RANBP2: variants seen among roughly 807,000 people sequenced by gnomAD.
The protein encoded by RANBP2 is RAN binding protein 2.
A neutral mutation model predicts 303.6 loss-of-function variants in RANBP2; 57 were observed. That is an observed-to-expected ratio of 0.19 (90% CI 0.15 to 0.23). RANBP2 has a LOEUF of 0.23. Ranked by LOEUF, RANBP2 falls within the 10% of genes least tolerant of loss-of-function variation. RANBP2 has a pLI of 1.00. For missense variants in RANBP2, 3,138 were observed against 3,780.8 expected (o/e 0.83, Z 4.46); for synonymous variants, 1,167 against 1,301.5 (o/e 0.90, Z 2.23).
chr2:109,614,507 G>A, the RANBP2 span: 1 of 1,255,598 alleles, frequency 8.0e-7, no homozygotes, highest in Admixed American at 4.3e-5. Flanking sequence ...GGCCGGCAGA[G>A]TGGGGCCCCG....
the RANBP2 span, among the ~76,000 whole-genome samples, chr2:109,249,467 C>CTCTCTCTT: frequency 4.0e-5 from 4 of 99,288 alleles, no homozygotes; most frequent in Non-Finnish European, 4.1e-5. Context: ...TTCTCTCTTT[C>CTCTCTCTT]TCTTTCTTTC....
At chr2:109,453,611 C>T in the RANBP2 span, among the ~76,000 whole-genome samples, 2,417 of 152,292 alleles carry the variant, frequency 0.016, 56 homozygotes, top group African/African-American at 0.054. Context: ...GTGCCCCAAT[C>T]CCTGACTCAT....
At chr2:108,786,665 G>T, downstream of RANBP2, 1 of 657,476 alleles carries the variant, frequency 1.5e-6, no homozygotes, top group South Asian at 1.8e-5. Flanking sequence ...CTGACAAGCC[G>T]GGCTGCAGTC....
the RANBP2 span, among the ~76,000 whole-genome samples, chr2:109,400,325 C>T: frequency 6.6e-6 from 1 of 152,002 alleles, no homozygotes; most frequent in African/African-American, 2.4e-5. Context: ...CACACATATA[C>T]CTGCACACCC....
the RANBP2 span, among the ~76,000 whole-genome samples, chr2:109,418,773 C>G: frequency 2.8e-4 from 43 of 152,202 alleles, no homozygotes; most frequent in Non-Finnish European, 5.6e-4. Context: ...TGCCTCTGAA[C>G]AGGAAGACAG....
the RANBP2 span, among the ~76,000 whole-genome samples, chr2:109,418,180 C>T: frequency 6.6e-6 from 1 of 152,078 alleles, no homozygotes; most frequent in Non-Finnish European, 1.5e-5. Flanking sequence ...TCTGCTGGGA[C>T]CCCTATTCTG....
the RANBP2 span, among the ~76,000 whole-genome samples, chr2:109,016,226 C>T: frequency 5.9e-5 from 9 of 151,952 alleles, no homozygotes; most frequent in South Asian, 4.1e-4. Context: ...GGACTACAGG[C>T]GCCGGCCACC....
the RANBP2 span, among the ~76,000 whole-genome samples, chr2:109,622,219 T>G: frequency 4.6e-5 from 7 of 152,198 alleles, no homozygotes; most frequent in Non-Finnish European, 1.0e-4. Flanking sequence ...CCCAAATAGC[T>G]GCTACTTGCC....
the RANBP2 span, among the ~76,000 whole-genome samples, chr2:108,915,106 G>A: frequency 2.9e-4 from 44 of 152,122 alleles, no homozygotes; most frequent in Middle Eastern, 3.2e-3. Context: ...AAAAATGCAC[G>A]TTGGCCAGGC....
the RANBP2 span, among the ~76,000 whole-genome samples, chr2:109,077,086 G>T: frequency 2.0e-5 from 3 of 150,314 alleles, no homozygotes; most frequent in Admixed American, 6.6e-5. Flanking sequence ...ATAAGCTCAC[G>T]AAAATATGGC....
the RANBP2 span, among the ~76,000 whole-genome samples, chr2:109,455,701 C>T: frequency 2.0e-5 from 3 of 152,310 alleles, no homozygotes; most frequent in East Asian, 5.8e-4. Context: ...CGAGTGGAGG[C>T]ACCCTGCAAT....
At chr2:109,443,994 G>A in the RANBP2 span, among the ~76,000 whole-genome samples, 6 of 152,162 alleles carry the variant, frequency 3.9e-5, no homozygotes, top group Admixed American at 2.0e-4. Context: ...ACTGGGCCAT[G>A]ATATTTTTAA....
the RANBP2 span, among the ~76,000 whole-genome samples, chr2:109,077,147 C>T: frequency 6.6e-6 from 1 of 150,396 alleles, no homozygotes; most frequent in East Asian, 1.9e-4. Flanking sequence ...GAAAGATAGT[C>T]TAAATAAATG....
chr2:108,937,027 C>T, the RANBP2 span, among the ~76,000 whole-genome samples: 3 of 152,196 alleles, frequency 2.0e-5, no homozygotes, highest in African/African-American at 7.2e-5. Context: ...AGTGCTGTGC[C>T]GGGGAACAGA....
the RANBP2 span, among the ~76,000 whole-genome samples, chr2:109,337,448 A>G: frequency 1.3e-5 from 2 of 152,130 alleles, no homozygotes; most frequent in Admixed American, 6.5e-5. Flanking sequence ...CCCCTCGCAT[A>G]TGGCGAAATG....
chr2:109,590,580 T>C, the RANBP2 span, among the ~76,000 whole-genome samples: 1 of 152,042 alleles, frequency 6.6e-6, no homozygotes, highest in Non-Finnish European at 1.5e-5. Context: ...TATAGGTGCT[T>C]GCCACCACAG....
chr2:108,899,627 C>G, the RANBP2 span, among the ~76,000 whole-genome samples: 1 of 152,138 alleles, frequency 6.6e-6, no homozygotes, highest in East Asian at 1.9e-4. Context: ...CTACTGTAAA[C>G]AGAGAAGGTA....
At chr2:109,582,394 A>C in the RANBP2 span, among the ~76,000 whole-genome samples, 6 of 152,150 alleles carry the variant, frequency 3.9e-5, no homozygotes, top group Non-Finnish European at 2.9e-5. Flanking sequence ...ATCACGGCTC[A>C]CTGCAGCTTC....
At chr2:109,029,272 C>G in the RANBP2 span, among the ~76,000 whole-genome samples, 7 of 152,232 alleles carry the variant, frequency 4.6e-5, no homozygotes, top group Non-Finnish European at 7.3e-5. Context: ...CCCCCATTCA[C>G]CCCCATGGCC....
Sources: allele counts gnomAD v4.1 joint callset (sites outside exome capture counted in the v4.1 genomes callset), GRCh38; gene constraint gnomAD v4.1.1; transcripts MANE v1.5; gene names NCBI Gene and HGNC (gene_info 2026-07-23, HGNC 2026-07-21).